The following BMP2K variants were observed in gnomAD, a reference collection of about 807,000 sequenced individuals.
BMP2K encodes BMP2 inducible kinase.
Under a neutral mutation model 116.0 loss-of-function variants are expected in BMP2K, and 74 were observed. The ratio of observed to expected loss-of-function variants is 0.64; its 90% CI spans 0.53 to 0.77. The LOEUF is 0.77. BMP2K is among the 30% of genes least tolerant of loss of function. The pLI, the probability that BMP2K is intolerant of heterozygous loss-of-function variation, is 0.00. For missense variants in BMP2K, 1,365 were observed against 1,403.6 expected (o/e 0.97, Z 0.44); for synonymous variants, 486 against 502.5 (o/e 0.97, Z 0.44).
rs77688854 is a variant in BMP2K at position 78,810,784 on chromosome 4, TG to T, written c.179-15252del. ...AAGCAAGTTAAAATGCTGCAAAGCT[TG>T]CTGTTTTTACTGAGATTCATCCAAT... On this transcript the variant is annotated intron_variant, in intron 1 of 15. Transcript: ENST00000502613. Among the ~76,000 whole-genome samples the T allele has an allele frequency of 9.3e-3, 1,415 of 152,114 alleles. 58 individuals carry two copies. The East Asian group carries it at 0.11, about 11-fold the overall frequency.
rs992195536 is a variant in BMP2K at position 78,849,810 on chromosome 4, T to C, written c.751-1114T>C. On this transcript the variant is annotated intron_variant, in intron 6 of 15. Transcript: ENST00000502613. ...TTTTAGAGCTTTTGAACTGTTTTCATTGGACCATTGCTGCAATATTGAAAG... is the reference window on the plus strand; with the variant it reads ...TTTTAGAGCTTTTGAACTGTTTTCACTGGACCATTGCTGCAATATTGAAAG... 7.2e-5 allele frequency among the ~76,000 whole-genome samples: 11 copies of C among 151,758 alleles called. No individual in the cohort carries two copies. In the East Asian group the frequency reaches 1.5e-3, roughly 21 times the overall value.
chr4:78,778,595 T>C lies in BMP2K; in HGVS notation c.178+1874T>C, dbSNP rs546882394. ...GGCCAAGGCCTAGGTTTTCTTTCCT[T>C]GTGTATTTTTTCTGTCTCCATCACC... On this transcript the variant is annotated intron_variant, in intron 1 of 15. Coordinates refer to ENST00000502613, the MANE Select transcript of BMP2K (RefSeq NM_198892.2). 2.5e-4 allele frequency among the ~76,000 whole-genome samples: 38 copies of C among 152,312 alleles called. 1 individual carries two copies. The South Asian group carries it at 7.7e-3, about 31-fold the overall frequency.
chr4:78,795,726 A>G (rs1171496846), intron 1 of BMP2K, among the ~76,000 whole-genome samples: 1 of 152,150 alleles, frequency 6.6e-6, no homozygotes, highest in African/African-American at 2.4e-5. Context: ...AAAGTGGGCA[A>G]AGGACATGAA....
chr4:78,822,569 C>T (rs1405456123), intron 1 of BMP2K, among the ~76,000 whole-genome samples: 1 of 151,990 alleles, frequency 6.6e-6, no homozygotes, highest in Non-Finnish European at 1.5e-5. Flanking sequence ...CAATATCTGT[C>T]ACAATTTTGC....
Position 78,803,069 on chromosome 4 carries a change from C to T in BMP2K, c.179-22968C>T, listed in dbSNP as rs1001752524. 3.9e-5 allele frequency among the ~76,000 whole-genome samples: 6 copies of T among 151,932 alleles called. No individual in the cohort carries two copies. The East Asian group carries it at 5.9e-4, about 15-fold the overall frequency. On this transcript the variant is annotated intron_variant, in intron 1 of 15. Coordinates refer to ENST00000502613, the MANE Select transcript of BMP2K (RefSeq NM_198892.2). Reference sequence around the variant, plus strand: ...TTCACCATGTTGGTTAGGCTGGTCTCGACCTCCTGACCTCAAGTGATCCAC... The same window carrying T: ...TTCACCATGTTGGTTAGGCTGGTCTTGACCTCCTGACCTCAAGTGATCCAC...
At chr4:78,833,197 A>G (rs1730290306) in intron 2 of BMP2K, among the ~76,000 whole-genome samples, 1 of 152,092 alleles carries the variant, frequency 6.6e-6, no homozygotes, top group Non-Finnish European at 1.5e-5. Context: ...TGTTGCAGGC[A>G]AAATAAATGA....
chr4:78,810,953 G>GT lies in BMP2K; in HGVS notation c.179-15083dup, dbSNP rs536385345. 7.3e-3 allele frequency among the ~76,000 whole-genome samples: 1,115 copies of GT among 152,108 alleles called. 21 individuals are homozygous for GT. Among genetic ancestry groups the GT allele is most frequent in the African/African-American group, 0.025 (1,052 of 41,492 alleles). ...TTGGAGGTTGTTACTTTTCCATTGT[G>GT]TAAGTGCTTCACTTCTGATATTTTT... On this transcript the variant is annotated intron_variant, in intron 1 of 15. Transcript: ENST00000502613.
At chr4:78,850,373 T>C (rs934366728) in intron 6 of BMP2K, among the ~76,000 whole-genome samples, 7 of 151,852 alleles carry the variant, frequency 4.6e-5, no homozygotes, top group Non-Finnish European at 1.0e-4. Context: ...ATACAATTAG[T>C]ATAATGTACA....
At chr4:78,907,937 A>G (rs1014918547) in intron 15 of BMP2K, among the ~76,000 whole-genome samples, 7 of 152,150 alleles carry the variant, frequency 4.6e-5, no homozygotes, top group African/African-American at 1.7e-4. Context: ...ATGATGGGAA[A>G]TCTTCTGGAA....
chr4:78,823,804 T>C (rs1186301178), intron 1 of BMP2K, among the ~76,000 whole-genome samples: 1 of 152,042 alleles, frequency 6.6e-6, no homozygotes. Flanking sequence ...TATAGAGGAA[T>C]AATCTAGACC....
At chr4:78,883,273 G>A (rs567854792) in intron 14 of BMP2K, among the ~76,000 whole-genome samples, 11 of 152,180 alleles carry the variant, frequency 7.2e-5, no homozygotes, top group Non-Finnish European at 1.2e-4. Context: ...GGTTGACTAT[G>A]TATTTACAAA....
At chr4:78,846,288 G>A (rs1244646127) in intron 5 of BMP2K, among the ~76,000 whole-genome samples, 10 of 151,410 alleles carry the variant, frequency 6.6e-5, no homozygotes, top group Admixed American at 6.6e-4. Context: ...CTGGGGTGGG[G>A]GTATAGTGAA....
chr4:78,871,296 A>G (rs1420356068), intron 11 of BMP2K, among the ~76,000 whole-genome samples: 1 of 152,254 alleles, frequency 6.6e-6, no homozygotes, highest in African/African-American at 2.4e-5. Flanking sequence ...TTCATCTGAA[A>G]CATTTAGTAT....
At chr4:78,887,036 G>A (rs1733131061) in intron 14 of BMP2K, 138 bp from the exon 15 acceptor site, 1 of 610,156 alleles carries the variant, frequency 1.6e-6, no homozygotes. Flanking sequence ...TACTTACAGT[G>A]ATAGATTCTG....
At chr4:78,802,686 G>T (rs776631722) in intron 1 of BMP2K, among the ~76,000 whole-genome samples, 2 of 152,054 alleles carry the variant, frequency 1.3e-5, no homozygotes. Flanking sequence ...ATGTTTACTG[G>T]TTCCTTCCCC....
chr4:78,890,736 C>T (rs913371679), intron 15 of BMP2K, among the ~76,000 whole-genome samples: 2 of 152,150 alleles, frequency 1.3e-5, no homozygotes, highest in Admixed American at 6.5e-5. Flanking sequence ...GCTCTGCAAT[C>T]AGAACTGGTT....
At chr4:78,842,639 C>G in intron 4 of BMP2K, 112 bp downstream of exon 4, 1 of 905,738 alleles carries the variant, frequency 1.1e-6, no homozygotes, top group South Asian at 2.9e-5. Context: ...GTCTCTCTCT[C>G]CCCTTCTACA....
chr4:78,782,175 T>C lies in BMP2K; in HGVS notation c.178+5454T>C, dbSNP rs900114137. 4.6e-5 allele frequency among the ~76,000 whole-genome samples: 7 copies of C among 152,224 alleles called. No individual in the cohort carries two copies. The East Asian group carries it at 1.3e-3, about 29-fold the overall frequency. On this transcript the variant is annotated intron_variant, in intron 1 of 15. Coordinates refer to ENST00000502613, the MANE Select transcript of BMP2K (RefSeq NM_198892.2). The stretch of plus-strand genomic sequence containing the variant: ...ACTCTGCCTTTGTCTCTGTAATCCC[T>C]GTTTCCTAAGTACTGGTTATGATCA...
rs1316227567 is a variant in BMP2K, at chr4:78,913,074, CTT to C, written c.*1043_*1044del. ...AAATCATGTTGCATTTAACAATGTA[CTT>C]TATTAGCAACTTCACCAAATATTCC... is the stretch of plus-strand genomic sequence containing the variant. On this transcript the variant is annotated 3_prime_UTR_variant, in exon 16 of 16. Transcript: ENST00000502613. 6.6e-6 allele frequency: 1 copy of C among 152,188 alleles called. No individual in the cohort carries two copies. The highest frequency in any genetic ancestry group is 1.9e-4 in the East Asian group (1 of 5,202). The allele number at this position is 152,188 out of a possible 1,614,324, so 9.4% of individuals were successfully genotyped here.
Sources: gnomAD v4.1 joint callset for allele counts (sites outside exome capture counted in the v4.1 genomes callset) on GRCh38, gnomAD v4.1.1 for gene constraint, MANE v1.5 for transcripts, NCBI Gene and HGNC (gene_info 2026-07-23, HGNC 2026-07-21) for gene names.